KLF17: variants seen among roughly 807,000 people sequenced by gnomAD.
KLF17 encodes Krueppel-like factor 17.
A neutral mutation model predicts 34.2 loss-of-function variants in KLF17; 31 were observed. The observed-to-expected ratio is 0.91, with a 90% confidence interval of 0.68 to 1.22. The LOEUF is 1.22. KLF17 is among the 50% of genes most tolerant of loss of function. The pLI, the probability that KLF17 is intolerant of heterozygous loss-of-function variation, is 0.00. For synonymous variants in KLF17, 179 were observed against 186.7 expected (o/e 0.96, Z 0.34); for missense variants, 478 against 505.2 (o/e 0.95, Z 0.52).
rs1212876154 is a variant in KLF17 at position 44,129,595 on chromosome 1, T to C, written c.324T>C (p.Pro108=). The C allele has an allele frequency of 2.8e-5, 46 of 1,614,054 alleles. No individual in the cohort carries two copies. Among genetic ancestry groups the C allele is most frequent in the Non-Finnish European group, 3.4e-5 (40 of 1,180,040 alleles). Residue 108 remains proline (P), a synonymous_variant, in exon 2 of 4, where the codon CCT becomes CCC. Transcript: ENST00000372299. ...MSYCPQATLT[P]SRMIYCQRMS... ...ACTGCCCCCAAGCGACTCTCACTCCTTCCCGGATGATTTACTGTCAGAGAA... is the reference window on the plus strand; with the variant it reads ...ACTGCCCCCAAGCGACTCTCACTCCCTCCCGGATGATTTACTGTCAGAGAA...
At chr1:44,132,687 G>C (rs2088125333) in intron 3 of KLF17, among the ~76,000 whole-genome samples, 1 of 151,764 alleles carries the variant, frequency 6.6e-6, no homozygotes, top group Admixed American at 6.6e-5. Context: ...GAGGACCTAA[G>C]CCTGGGGCAG....
At chr1:44,090,320 A>G in the KLF17 span, among the ~76,000 whole-genome samples, 1 of 148,850 alleles carries the variant, frequency 6.7e-6, no homozygotes, top group Non-Finnish European at 1.5e-5. Flanking sequence ...AAAAAAAAAA[A>G]AAAAAAAAAA....
chr1:44,086,963 A>G, the KLF17 span, among the ~76,000 whole-genome samples: 1 of 152,238 alleles, frequency 6.6e-6, no homozygotes, highest in African/African-American at 2.4e-5. Flanking sequence ...ACTTGAGGTA[A>G]GTGGTCATGA....
the KLF17 span, among the ~76,000 whole-genome samples, chr1:44,102,736 A>G: frequency 1.3e-5 from 2 of 152,036 alleles, no homozygotes; most frequent in African/African-American, 4.8e-5. Flanking sequence ...ATTGTAACAA[A>G]TGCACCATTC....
At chr1:44,082,253 A>G in the KLF17 span, among the ~76,000 whole-genome samples, 1 of 152,266 alleles carries the variant, frequency 6.6e-6, no homozygotes, top group Non-Finnish European at 1.5e-5. Flanking sequence ...GCAACTGAAT[A>G]GCGGAAGATT....
chr1:44,054,890 C>T, the KLF17 span, among the ~76,000 whole-genome samples: 3 of 151,230 alleles, frequency 2.0e-5, no homozygotes, highest in South Asian at 2.1e-4. Context: ...AGCAATTCTC[C>T]TGCCTCAGCC....
chr1:44,126,393 G>T (rs1319959642), intron 1 of KLF17, among the ~76,000 whole-genome samples: 3 of 152,224 alleles, frequency 2.0e-5, no homozygotes, highest in Non-Finnish European at 2.9e-5. Flanking sequence ...GGAACATGGG[G>T]TGTGTATCGG....
the KLF17 span, among the ~76,000 whole-genome samples, chr1:44,090,934 GCACA>G: frequency 1.2e-3 from 164 of 141,348 alleles, no homozygotes; most frequent in African/African-American, 3.2e-3. Context: ...ACATGCACAC[GCACA>G]CACACACACA....
chr1:44,100,845 A>G, the KLF17 span, among the ~76,000 whole-genome samples: 2 of 152,198 alleles, frequency 1.3e-5, no homozygotes, highest in Non-Finnish European at 2.9e-5. Flanking sequence ...AGACAAAAGT[A>G]TAATGACATG....
the KLF17 span, among the ~76,000 whole-genome samples, chr1:44,066,339 C>T: frequency 6.9e-6 from 1 of 145,380 alleles, no homozygotes; most frequent in East Asian, 1.9e-4. Flanking sequence ...AACAAAAACC[C>T]TCCCCCCAAA....
At chr1:44,047,448 A>G in the KLF17 span, among the ~76,000 whole-genome samples, 1 of 152,182 alleles carries the variant, frequency 6.6e-6, no homozygotes, top group African/African-American at 2.4e-5. Context: ...AGGTCCAGAC[A>G]GGCTCCAGCC....
At chr1:44,069,337 G>A in the KLF17 span, among the ~76,000 whole-genome samples, 1 of 152,280 alleles carries the variant, frequency 6.6e-6, no homozygotes, top group East Asian at 1.9e-4. This position sits in a 1 kb window ranked among gnomAD's most constrained non-coding sequence, Gnocchi z 4.7. Context: ...CTGAGGCTGG[G>A]TAACTAATAA....
the KLF17 span, chr1:44,061,122 A>G: frequency 6.6e-6 from 1 of 152,144 alleles, no homozygotes; most frequent in Admixed American, 6.5e-5. Flanking sequence ...TGTCTTCTAT[A>G]TTACAACAGT....
chr1:44,085,146 A>G, the KLF17 span, among the ~76,000 whole-genome samples: 4 of 151,870 alleles, frequency 2.6e-5, no homozygotes, highest in Non-Finnish European at 5.9e-5. Flanking sequence ...ATGTGTGTGT[A>G]TATATACATA....
At chr1:44,100,129 A>C in the KLF17 span, among the ~76,000 whole-genome samples, 1 of 148,274 alleles carries the variant, frequency 6.7e-6, no homozygotes, top group Non-Finnish European at 1.5e-5. Flanking sequence ...TTAGCTGGGC[A>C]TGGTGGTGTG....
the KLF17 span, among the ~76,000 whole-genome samples, chr1:44,049,049 G>A: frequency 6.6e-6 from 1 of 152,188 alleles, no homozygotes; most frequent in Non-Finnish European, 1.5e-5. Context: ...TCACAATTCT[G>A]GAGCCTGGGA....
At chr1:44,046,958 G>A in the KLF17 span, among the ~76,000 whole-genome samples, 1 of 150,246 alleles carries the variant, frequency 6.7e-6, no homozygotes. Flanking sequence ...GGGAGGCGGA[G>A]GCTGCAGTGA....
At chr1:44,083,248 A>G in the KLF17 span, among the ~76,000 whole-genome samples, 1 of 150,560 alleles carries the variant, frequency 6.6e-6, no homozygotes, top group African/African-American at 2.4e-5. Flanking sequence ...ACACCCAGCT[A>G]CCTTTAAACT....
the KLF17 span, among the ~76,000 whole-genome samples, chr1:44,053,099 C>T: frequency 6.6e-6 from 1 of 152,188 alleles, no homozygotes; most frequent in Middle Eastern, 3.4e-3. Flanking sequence ...TGGGGTTTCA[C>T]CATGTTGGCC....
Sources: gnomAD v4.1 joint callset for allele counts (sites outside exome capture counted in the v4.1 genomes callset) on GRCh38, gnomAD v4.1.1 for gene constraint, Gnocchi (gnomAD v3.1) non-coding constraint, MANE v1.5 for transcripts, NCBI Gene and HGNC (gene_info 2026-07-23, HGNC 2026-07-21) for gene names.